PCDHA3: variants seen among roughly 807,000 people sequenced by gnomAD.
PCDHA3 encodes protocadherin alpha-3.
In PCDHA3, 41 loss-of-function variants were observed where a neutral mutation model predicts 62.2. The observed-to-expected ratio is 0.66, with a 90% CI of 0.51 to 0.86. The LOEUF (loss-of-function observed/expected upper bound fraction) is 0.86, where lower values mean the gene tolerates loss of function less well. Among genes scored for constraint, PCDHA3 ranks in the 40% least tolerant of loss-of-function variants. The probability of loss-of-function intolerance (pLI) is 0.00; values close to 1 mark genes in which losing one functional copy is unlikely to be tolerated. For missense variants in PCDHA3, 1,304 were observed against 1,241.2 expected (o/e 1.05, Z -0.76); for synonymous variants, 640 against 555.4 (o/e 1.15, Z -2.14).
At chr5:140,875,662 T>C (rs782787124) in intron 1 of PCDHA3, 32 of 1,613,752 alleles carry the variant, frequency 2.0e-5, no homozygotes, top group Non-Finnish European at 2.6e-5. Context: ...GCCGCGCCTG[T>C]TCCGGGTGGC....
In PCDHA3 at chr5:141,005,428, G is replaced by T. The variant is rs907211430; in HGVS notation, c.2543-4199G>T. On this transcript the variant is annotated intron_variant, in intron 3 of 3. Transcript: ENST00000522353. ...AGAGTGAGGAGTCATGCTAAGAATG[G>T]ATGAGAGGCTCACGCCTGTAATCCC... Among the ~76,000 whole-genome samples, 21 of 152,154 alleles carry T rather than the reference G, an allele frequency of 1.4e-4. 1 individual carries two copies. The highest frequency in any genetic ancestry group is 1.2e-3 in the Admixed American group (19 of 15,266).
At chr5:140,822,300 A>T in intron 1 of PCDHA3, 1 of 1,614,264 alleles carries the variant, frequency 6.2e-7, no homozygotes. Context: ...ATCCAAACGA[A>T]TATTTTGACT....
chr5:140,877,463 C>T (rs782373755), intron 1 of PCDHA3: 1 of 1,613,772 alleles, frequency 6.2e-7, no homozygotes, highest in East Asian at 2.2e-5. Flanking sequence ...TCCACGGCCA[C>T]GGTGCTGGTG....
intron 1 of PCDHA3, chr5:140,821,624 A>C: frequency 1.1e-6 from 1 of 893,550 alleles, no homozygotes; most frequent in Non-Finnish European, 1.7e-6. Context: ...GATTTTCCTT[A>C]GACAGAAAGG....
At chr5:140,846,754 A>G (rs1430636894) in intron 1 of PCDHA3, among the ~76,000 whole-genome samples, 1 of 149,442 alleles carries the variant, frequency 6.7e-6, no homozygotes, top group Non-Finnish European at 1.5e-5. Context: ...ACAGATCTCT[A>G]ACAGCATATC....
intron 1 of PCDHA3, chr5:140,855,962 G>A (rs2043697360): frequency 3.6e-6 from 5 of 1,403,344 alleles, no homozygotes; most frequent in Non-Finnish European, 4.8e-6. Flanking sequence ...ATAAAAAATA[G>A]ATATAAGAAA....
At chr5:140,817,228 C>G (rs1308715017) in intron 1 of PCDHA3, 1 of 152,288 alleles carries the variant, frequency 6.6e-6, no homozygotes, top group Non-Finnish European at 1.5e-5. Flanking sequence ...TTTCCCTTCT[C>G]AGGGAGAAGA....
intron 3 of PCDHA3, among the ~76,000 whole-genome samples, chr5:140,994,850 CAT>C (rs10584145): frequency 0.01 from 1,553 of 152,082 alleles, 27 homozygotes; most frequent in African/African-American, 0.036. Flanking sequence ...AAGATGAGTG[CAT>C]TTGATGGATG....
At chr5:140,999,078 T>G (rs1554256609) in intron 3 of PCDHA3, among the ~76,000 whole-genome samples, 2 of 152,208 alleles carry the variant, frequency 1.3e-5, no homozygotes, top group Non-Finnish European at 2.9e-5. Context: ...CTTCACTTCC[T>G]CCTTCAGAGG....
chr5:140,812,765 A>G (rs1765174507), intron 1 of PCDHA3: 1 of 152,182 alleles, frequency 6.6e-6, no homozygotes, highest in South Asian at 2.1e-4. Context: ...GCCCAGCTTA[A>G]TATTCCTTCT....
At chr5:140,954,065 G>A (rs2153701349) in intron 1 of PCDHA3, among the ~76,000 whole-genome samples, 1 of 152,278 alleles carries the variant, frequency 6.6e-6, no homozygotes, top group African/African-American at 2.4e-5. Context: ...TTATTATGCT[G>A]AGGATAATGG....
In PCDHA3 at chr5:140,829,595, C is replaced by T. The variant is rs147522996; in HGVS notation, c.2394+26004C>T. ...GCTGGTGGAGCGGCGGGTGGGCGAG[C>T]GCGCGTTGTCGAGCTACATTTCGGT... On this transcript the variant is annotated intron_variant, in intron 1 of 3. Coordinates refer to ENST00000522353, the MANE Select transcript of PCDHA3 (RefSeq NM_018906.3). The T allele has an allele frequency of 1.5e-4, 239 of 1,611,886 alleles. 1 individual carries two copies. In the African/African-American group the frequency reaches 2.9e-3, roughly 20 times the overall value.
intron 1 of PCDHA3, among the ~76,000 whole-genome samples, chr5:140,844,353 G>A (rs1249392344): frequency 6.7e-6 from 1 of 148,820 alleles, no homozygotes; most frequent in Admixed American, 6.7e-5. Context: ...AAATCAAGAG[G>A]GAAGAGATTT....
Position 140,883,457 on chromosome 5 carries a change from C to T in PCDHA3, c.2394+79866C>T, listed in dbSNP as rs142331981. Reference sequence around the variant, plus strand: ...CTTGACGCCGCATGTCCCCTTCAAGCTGGTGTCCACCTACAAGAACTACTA... The same window carrying T: ...CTTGACGCCGCATGTCCCCTTCAAGTTGGTGTCCACCTACAAGAACTACTA... On this transcript the variant is annotated intron_variant, in intron 1 of 3. Coordinates refer to ENST00000522353, the MANE Select transcript of PCDHA3 (RefSeq NM_018906.3). 3.6e-4 allele frequency: 576 copies of T among 1,614,196 alleles called. 4 individuals are homozygous for T. In the African/African-American group the frequency reaches 6.4e-3, roughly 18 times the overall value.
At chr5:140,874,310 T>G (rs1466164009) in intron 1 of PCDHA3, among the ~76,000 whole-genome samples, 1 of 151,992 alleles carries the variant, frequency 6.6e-6, no homozygotes, top group Non-Finnish European at 1.5e-5. Context: ...TCACAATGAG[T>G]TGTAGGATCT....
At chr5:140,967,749 C>T (rs1554229896) in intron 1 of PCDHA3, 1 of 1,614,172 alleles carries the variant, frequency 6.2e-7, no homozygotes, top group African/African-American at 1.3e-5. Context: ...TATGAGGAAG[C>T]CTCCTCCTAC....
At position 140,965,675 on chromosome 5, in the gene PCDHA3, A is replaced by G. The variant is rs1049081993; in HGVS notation, c.2395-13274A>G. ...AAATGTCTTGGGTGATAAATGTAAA[A>G]GATTTGAAGCAAGATTAGAAAAAGC... On this transcript the variant is annotated intron_variant, in intron 1 of 3. Transcript: ENST00000522353. Among the ~76,000 whole-genome samples, 4 of 152,350 alleles carry G rather than the reference A, an allele frequency of 2.6e-5. No homozygotes were observed. The East Asian group carries it at 7.7e-4, about 29-fold the overall frequency.
At chr5:140,850,849 G>C (rs2150500367) in intron 1 of PCDHA3, 4 of 1,596,076 alleles carry the variant, frequency 2.5e-6, no homozygotes, top group South Asian at 2.2e-5. Context: ...TCTACAGAGC[G>C]AACGGGAGAA....
chr5:140,894,239 A>C (rs1323710769), intron 1 of PCDHA3, among the ~76,000 whole-genome samples: 11 of 152,028 alleles, frequency 7.2e-5, no homozygotes, highest in African/African-American at 2.2e-4. Flanking sequence ...ATGACAATGT[A>C]ATTTTCTTTT....
Sources: gnomAD v4.1 joint callset for allele counts (sites outside exome capture counted in the v4.1 genomes callset) on GRCh38, gnomAD v4.1.1 for gene constraint, MANE v1.5 for transcripts, NCBI Gene and HGNC (gene_info 2026-07-23, HGNC 2026-07-21) for gene names.